Variants in PIK3C2G observed in about 807,000 individuals in gnomAD.
PIK3C2G encodes phosphatidylinositol 3-kinase C2 domain-containing subunit gamma.
A neutral mutation model predicts 181.1 loss-of-function variants in PIK3C2G; 168 were observed. The ratio of observed to expected loss-of-function variants is 0.93; its 90% CI spans 0.82 to 1.05. The LOEUF (loss-of-function observed/expected upper bound fraction) is 1.05. PIK3C2G is among the 50% of genes least tolerant of loss of function. The pLI is 0.00. For synonymous variants in PIK3C2G, 573 were observed against 592.2 expected, an observed-to-expected ratio of 0.97 and a Z score of 0.47; for missense variants, 1,869 against 1,732.8, an observed-to-expected ratio of 1.08 and a Z score of -1.40.
At chr12:18,693,783 CTT>C in the PIK3C2G span, 1 of 1,513,314 alleles carries the variant, frequency 6.6e-7, no homozygotes, top group Non-Finnish European at 9.2e-7. Flanking sequence ...CAAATAGAAA[CTT>C]TGGATCCAGC....
chr12:18,598,281 G>T (rs1434654203), intron 30 of PIK3C2G, among the ~76,000 whole-genome samples: 4 of 151,690 alleles, frequency 2.6e-5, no homozygotes, highest in Non-Finnish European at 4.4e-5. Flanking sequence ...AAACAGCATG[G>T]TACTGGTACC....
chr12:18,532,478 T>C (rs903125457), intron 24 of PIK3C2G, among the ~76,000 whole-genome samples: 1 of 152,188 alleles, frequency 6.6e-6, no homozygotes. Context: ...CTGTGAACCA[T>C]TGTAAGTTAA....
At chr12:18,533,311 C>T (rs2136223979) in intron 24 of PIK3C2G, among the ~76,000 whole-genome samples, 3 of 152,232 alleles carry the variant, frequency 2.0e-5, no homozygotes, top group Admixed American at 2.0e-4. Flanking sequence ...GCTCAGCTAC[C>T]TCCAAATGTT....
intron 16 of PIK3C2G, among the ~76,000 whole-genome samples, chr12:18,409,907 G>A (rs763802475): frequency 5.9e-5 from 9 of 152,098 alleles, no homozygotes; most frequent in Admixed American, 2.0e-4. Flanking sequence ...ACCTTCACAT[G>A]GCTGGGCAGG....
At chr12:18,629,638 C>T (rs1008116147) in intron 31 of PIK3C2G, among the ~76,000 whole-genome samples, 1 of 152,094 alleles carries the variant, frequency 6.6e-6, no homozygotes, top group African/African-American at 2.4e-5. Context: ...CTAATATTGA[C>T]TCAGAGATAG....
chr12:18,712,095 GT>G, the PIK3C2G span, among the ~76,000 whole-genome samples: 1 of 152,056 alleles, frequency 6.6e-6, no homozygotes, highest in Non-Finnish European at 1.5e-5. Context: ...ACATTACACA[GT>G]TTTAGTACGT....
At chr12:18,290,828 G>C in intron 3 of PIK3C2G, 27 bp from the exon 4 acceptor site, 1 of 1,478,904 alleles carries the variant, frequency 6.8e-7, no homozygotes, top group Non-Finnish European at 9.4e-7. Context: ...CTTGTCCTAA[G>C]TATTTTTCTT....
chr12:18,394,640 A>G (rs1381487853), intron 15 of PIK3C2G, among the ~76,000 whole-genome samples: 1 of 152,014 alleles, frequency 6.6e-6, no homozygotes, highest in Non-Finnish European at 1.5e-5. Context: ...TGAAAACACA[A>G]TACCTAAAAT....
chr12:18,465,232 C>G (rs780256436), intron 18 of PIK3C2G, among the ~76,000 whole-genome samples: 1 of 151,866 alleles, frequency 6.6e-6, no homozygotes, highest in Admixed American at 6.6e-5. Context: ...ATGAATTTAG[C>G]GTACTTTATG....
chr12:18,339,690 T>C (rs1242317474), intron 9 of PIK3C2G, among the ~76,000 whole-genome samples: 2 of 152,148 alleles, frequency 1.3e-5, no homozygotes, highest in Non-Finnish European at 2.9e-5. Flanking sequence ...GATAAGTGGG[T>C]ATGAAAATTC....
At chr12:18,343,273 T>C in intron 9 of PIK3C2G, 54 bp from the exon 10 acceptor site, 4 of 919,450 alleles carry the variant, frequency 4.4e-6, no homozygotes, top group Non-Finnish European at 6.8e-6. Flanking sequence ...ACTATTTGAC[T>C]ATTTTGTGAA....
chr12:18,604,816 A>G (rs1947924900), intron 30 of PIK3C2G, among the ~76,000 whole-genome samples: 1 of 152,210 alleles, frequency 6.6e-6, no homozygotes, highest in Non-Finnish European at 1.5e-5. Context: ...AAATGAAACC[A>G]AGATGGAAAT....
downstream of PIK3C2G, among the ~76,000 whole-genome samples, chr12:18,652,843 T>G (rs959183252): frequency 6.6e-6 from 1 of 152,106 alleles, no homozygotes; most frequent in African/African-American, 2.4e-5. Flanking sequence ...AGTTGTCTCA[T>G]AGCAACATAT....
At chr12:18,451,044 T>A (rs1015369459) in intron 18 of PIK3C2G, among the ~76,000 whole-genome samples, 1 of 152,202 alleles carries the variant, frequency 6.6e-6, no homozygotes, top group African/African-American at 2.4e-5. Context: ...TGCTTAGGAT[T>A]GTCTTGGTTA....
intron 1 of PIK3C2G, among the ~76,000 whole-genome samples, chr12:18,277,799 C>T (rs769672050): frequency 6.6e-6 from 1 of 152,100 alleles, no homozygotes; most frequent in Non-Finnish European, 1.5e-5. Flanking sequence ...CTGGCAGGGG[C>T]TGTCCTTTTT....
Position 18,362,786 on chromosome 12 carries a change from T to C in PIK3C2G, c.1648T>C (p.Cys550Arg). ...VHSYKAFSFT[C>R]WLTYAGKKLC... ...TAGCTACAAAGCGTTTTCTTTTACC[T>C]GTTGGCTTACATATGCTGGAAAGAA... The change falls in exon 12 of 33, where the codon TGT (cysteine) becomes CGT (arginine). Residue 550 changes from cysteine to arginine, a missense_variant. Coordinates refer to ENST00000538779, the MANE Select transcript of PIK3C2G (RefSeq NM_001288772.2). 1 of 1,523,120 alleles carries C rather than the reference T, an allele frequency of 6.6e-7. No homozygotes were observed. Among genetic ancestry groups the C allele is most frequent in the Non-Finnish European group, 8.8e-7 (1 of 1,142,212 alleles). 94.4% of individuals were successfully genotyped at this position (1,523,120 alleles called of 1,614,324 possible). A position where few individuals can be genotyped will look rare whatever the true frequency, so the allele number is the denominator to read the frequency against.
chr12:18,689,340 G>A, the PIK3C2G span, among the ~76,000 whole-genome samples: 1 of 152,260 alleles, frequency 6.6e-6, no homozygotes, highest in South Asian at 2.1e-4. Flanking sequence ...TGAGAATTTA[G>A]GGCAAGCTTG....
chr12:18,531,367 A>G (rs1025325335), intron 24 of PIK3C2G, among the ~76,000 whole-genome samples: 1 of 152,216 alleles, frequency 6.6e-6, no homozygotes, highest in East Asian at 1.9e-4. Context: ...ATACAAAGAG[A>G]TTCCATAAAT....
chr12:18,635,962 C>T (rs1949584611), intron 31 of PIK3C2G, among the ~76,000 whole-genome samples: 2 of 152,262 alleles, frequency 1.3e-5, no homozygotes, highest in East Asian at 3.9e-4. Context: ...TGCTCCACAC[C>T]ACTGGACCTC....
Sources: allele counts gnomAD v4.1 joint callset (sites outside exome capture counted in the v4.1 genomes callset), GRCh38; gene constraint gnomAD v4.1.1; transcripts MANE v1.5; gene names NCBI Gene and HGNC (gene_info 2026-07-23, HGNC 2026-07-21).